AMN1: variants seen among roughly 807,000 people sequenced by gnomAD.
AMN1 encodes the protein protein AMN1 homolog.
Under a neutral mutation model 33.0 loss-of-function variants are expected in AMN1, and 20 were observed. That is an observed-to-expected ratio of 0.61 (90% confidence interval 0.43 to 0.88). The LOEUF (loss-of-function observed/expected upper bound fraction) is 0.88. Ranked by LOEUF, AMN1 falls within the 40% of genes least tolerant of loss-of-function variation. The pLI is 0.00. For missense variants in AMN1, 246 were observed against 307.4 expected, an observed-to-expected ratio of 0.80 and a Z score of 1.49; for synonymous variants, 114 against 111.9, an observed-to-expected ratio of 1.02 and a Z score of -0.12.
chr12:31,679,868 T>C (rs1937917184), intron 6 of AMN1, among the ~76,000 whole-genome samples: 1 of 152,120 alleles, frequency 6.6e-6, no homozygotes, highest in Admixed American at 6.6e-5. Context: ...CTCACACCTG[T>C]AATCTCAGTA....
intron 1 of AMN1, among the ~76,000 whole-genome samples, chr12:31,722,852 T>C (rs1592178872): frequency 6.6e-6 from 1 of 152,196 alleles, no homozygotes; most frequent in African/African-American, 2.4e-5. Context: ...AGCCAGCTGC[T>C]AGTTTTCAGA....
intron 5 of AMN1, among the ~76,000 whole-genome samples, chr12:31,695,546 GCA>G (rs1306106016): frequency 6.9e-6 from 1 of 145,194 alleles, no homozygotes; most frequent in Non-Finnish European, 1.5e-5. Flanking sequence ...ATGCAATAGC[GCA>G]GTCTCGGCTC....
intron 2 of AMN1, among the ~76,000 whole-genome samples, chr12:31,703,193 G>A (rs541553967): frequency 6.6e-6 from 1 of 152,284 alleles, no homozygotes; most frequent in African/African-American, 2.4e-5. Flanking sequence ...AAAAGGAGTG[G>A]AGCTGGGATT....
At chr12:31,682,958 C>T (rs77405733) in intron 6 of AMN1, among the ~76,000 whole-genome samples, 6,105 of 139,530 alleles carry the variant, frequency 0.044, 278 homozygotes, top group East Asian at 0.22. Context: ...AAGGGGTATG[C>T]TATTCTTTTT....
chr12:31,672,281 C>T lies in AMN1; in HGVS notation c.*23G>A. ...AAGTAGTTTTGATAAGCTTTCCTAG[C>T]ATTGATCATCTTCAAAAAAGCATCA... On this transcript the variant is annotated 3_prime_UTR_variant, in exon 7 of 7. Transcript: ENST00000281471. The T allele has an allele frequency of 6.5e-7, 1 of 1,535,024 alleles. No homozygotes were observed.
chr12:31,688,787 GGTGACA>G (rs1938377876), intron 6 of AMN1, among the ~76,000 whole-genome samples: 1 of 151,704 alleles, frequency 6.6e-6, no homozygotes, highest in South Asian at 2.1e-4. Context: ...CTCCAGCTTG[GGTGACA>G]GAGCAAGACT....
At chr12:31,690,657 GTCCTTT>G (rs1253781235) in intron 5 of AMN1, among the ~76,000 whole-genome samples, 7 of 152,166 alleles carry the variant, frequency 4.6e-5, no homozygotes, top group African/African-American at 1.7e-4. Context: ...CTGGATATTA[GTCCTTT>G]GTCAGATGTA....
intron 5 of AMN1, among the ~76,000 whole-genome samples, chr12:31,691,137 CAAA>C (rs35531262): frequency 2.1e-4 from 26 of 124,686 alleles, no homozygotes; most frequent in Non-Finnish European, 2.1e-4. Context: ...GACTCCGTCT[CAAA>C]AAAAAAAAAA....
At chr12:31,693,135 C>T (rs960993949) in intron 5 of AMN1, among the ~76,000 whole-genome samples, 1 of 152,160 alleles carries the variant, frequency 6.6e-6, no homozygotes, top group Non-Finnish European at 1.5e-5. Flanking sequence ...GTAGTGCAAA[C>T]ACAGTTCACC....
rs1395058799 is a variant in AMN1 at position 31,671,156 on chromosome 12, A to G, written c.*1148T>C. On this transcript the variant is annotated 3_prime_UTR_variant, in exon 7 of 7. Coordinates refer to ENST00000281471, the MANE Select transcript of AMN1 (RefSeq NM_001113402.2). ...ATGTGATTGACTTGGTTAAATATTC[A>G]GTATTAAATTTTATTGAATTTGTCT... is the stretch of plus-strand genomic sequence containing the variant. The G allele has an allele frequency of 6.6e-6, 1 of 152,246 alleles. No individual in the cohort carries two copies. Among genetic ancestry groups the G allele is most frequent in the Non-Finnish European group, 1.5e-5 (1 of 68,042 alleles). 9.4% of individuals were successfully genotyped at this position (152,246 alleles called of 1,614,324 possible). A position where few individuals can be genotyped will look rare whatever the true frequency, so the allele number is the denominator to read the frequency against.
At position 31,697,923 on chromosome 12, in the gene AMN1, T is replaced by C; in HGVS notation, c.351A>G (p.Leu117=). The C allele has an allele frequency of 6.2e-7, 1 of 1,614,032 alleles. No homozygotes were observed. Among genetic ancestry groups the C allele is most frequent in the East Asian group, 2.2e-5 (1 of 44,878 alleles). ...AGCATCTTTTCAAAGAAGCTTCGTG[T>C]AGGTATGAACAAGATGAAGCCACAG... ...IKAVASSCSY[L]HEASLKRCCN... is the part of the protein sequence containing the mutation. The change falls in exon 4 of 7, where the codon CTA becomes CTG. Residue 117 remains leucine, a synonymous_variant. Coordinates refer to ENST00000281471, the MANE Select transcript of AMN1 (RefSeq NM_001113402.2).
intron 3 of AMN1, among the ~76,000 whole-genome samples, chr12:31,700,832 G>A (rs1167841896): frequency 6.6e-6 from 1 of 151,434 alleles, no homozygotes; most frequent in Non-Finnish European, 1.5e-5. Flanking sequence ...TGGGACTACA[G>A]GCACGTGTCA....
chr12:31,695,785 C>T (rs1407467905), intron 5 of AMN1, among the ~76,000 whole-genome samples: 1 of 151,682 alleles, frequency 6.6e-6, no homozygotes, highest in Non-Finnish European at 1.5e-5. Flanking sequence ...CCATGCCCAA[C>T]CTAATATGGT....
chr12:31,704,175 A>G (rs1236666892), intron 2 of AMN1, among the ~76,000 whole-genome samples: 1 of 152,232 alleles, frequency 6.6e-6, no homozygotes, highest in Non-Finnish European at 1.5e-5. Flanking sequence ...TTTTAAATCA[A>G]TTTACACTCT....
At position 31,697,962 on chromosome 12, in the gene AMN1, G is replaced by C. The variant is rs1476820171; in HGVS notation, c.317-5C>G. 1.8e-5 allele frequency: 29 copies of C among 1,613,020 alleles called. No individual in the cohort carries two copies. The highest frequency in any genetic ancestry group is 2.2e-5 in the Non-Finnish European group (26 of 1,179,270). On this transcript the variant is annotated splice_region_variant and splice_polypyrimidine_tract_variant and intron_variant, in intron 3 of 6. Transcript: ENST00000281471. The stretch of plus-strand genomic sequence containing the variant: ...ATGAAGCCACAGCTTTTATTCCTGG[G>C]GGAAAATATAATTATATATCAATGA...
At chr12:31,724,887 T>C (rs761107560) in intron 1 of AMN1, among the ~76,000 whole-genome samples, 6 of 152,234 alleles carry the variant, frequency 3.9e-5, no homozygotes, top group African/African-American at 1.2e-4. Flanking sequence ...GGGAGGACTA[T>C]TGAATGGCCA....
chr12:31,725,036 T>C (rs1940009706), intron 1 of AMN1, among the ~76,000 whole-genome samples: 1 of 152,172 alleles, frequency 6.6e-6, no homozygotes. Context: ...GGCAAGAGTA[T>C]ACATAAGTTT....
At chr12:31,718,581 A>G (rs906523744) in intron 1 of AMN1, among the ~76,000 whole-genome samples, 21 of 152,176 alleles carry the variant, frequency 1.4e-4, no homozygotes, top group Middle Eastern at 3.4e-3. Flanking sequence ...TTGGTGACCT[A>G]TGGATGGGGT....
At chr12:31,726,837 T>A (rs781037687) in intron 1 of AMN1, among the ~76,000 whole-genome samples, 1 of 152,240 alleles carries the variant, frequency 6.6e-6, no homozygotes, top group Non-Finnish European at 1.5e-5. Context: ...ATGAAGATCA[T>A]GTAGTCATCC....
Sources: gnomAD v4.1 joint callset for allele counts (sites outside exome capture counted in the v4.1 genomes callset) on GRCh38, gnomAD v4.1.1 for gene constraint, MANE v1.5 for transcripts, NCBI Gene and HGNC (gene_info 2026-07-23, HGNC 2026-07-21) for gene names.